HSD17B3: variants seen among roughly 807,000 people sequenced by gnomAD.
The protein encoded by HSD17B3 is hydroxysteroid 17-beta dehydrogenase 3, also known as 17-beta-hydroxysteroid dehydrogenase type 3.
In HSD17B3, 29 loss-of-function variants were observed where a neutral mutation model predicts 41.1. The observed-to-expected ratio is 0.71, with a 90% CI of 0.53 to 0.96. HSD17B3 has a LOEUF of 0.96. Ranked by LOEUF, HSD17B3 falls within the 40% of genes least tolerant of loss-of-function variation. HSD17B3 has a pLI of 0.00. For missense variants in HSD17B3, 323 were observed against 374.6 expected (o/e 0.86, Z 1.14); for synonymous variants, 126 against 145.6 (o/e 0.87, Z 0.97).
In HSD17B3 at chr9:96,300,318, C is replaced by A. The variant is rs1365586203; in HGVS notation, c.154+1633G>T. 3.0e-5 allele frequency among the ~76,000 whole-genome samples: 3 copies of A among 101,254 alleles called. 1 individual carries two copies. The highest frequency in any genetic ancestry group is 9.9e-5 in the African/African-American group (3 of 30,350). 66.4% of individuals were successfully genotyped at this position (101,254 alleles called of 152,430 possible). A position where few individuals can be genotyped will look rare whatever the true frequency, so the allele number is the denominator to read the frequency against. On this transcript the variant is annotated intron_variant, in intron 1 of 10. Transcript: ENST00000375263. ...TTGTCATCCCAAACAATTTCTCACA[C>A]GGTAATTTTTTTAATTTCCATTGCT...
Position 96,268,911 on chromosome 9 carries a change from T to C in HSD17B3, c.202-13968A>G, listed in dbSNP as rs555864630. Among the ~76,000 whole-genome samples, 3 of 152,242 alleles carry C rather than the reference T, an allele frequency of 2.0e-5. No individual in the cohort carries two copies. The South Asian group carries it at 6.2e-4, about 32-fold the overall frequency. ...TTGCAGTGAGCCGAGATCGTGGCAC[T>C]GCACTTCAGCCTGGGCAACAGAGCG... On this transcript the variant is annotated intron_variant, in intron 2 of 10. Coordinates refer to ENST00000375263, the MANE Select transcript of HSD17B3 (RefSeq NM_000197.2).
chr9:96,293,571 C>T (rs796094725), intron 2 of HSD17B3, among the ~76,000 whole-genome samples: 22 of 151,918 alleles, frequency 1.4e-4, no homozygotes, highest in African/African-American at 5.1e-4. Flanking sequence ...CTGTCTCCTT[C>T]CCTCTCCCTT....
chr9:96,277,985 C>T (rs1276019173), intron 2 of HSD17B3, among the ~76,000 whole-genome samples: 1 of 152,094 alleles, frequency 6.6e-6, no homozygotes, highest in African/African-American at 2.4e-5. Context: ...ATAAGTCAGA[C>T]ACAAAGACAA....
chr9:96,301,364 G>C (rs1235727012), intron 1 of HSD17B3, among the ~76,000 whole-genome samples: 2 of 149,126 alleles, frequency 1.3e-5, no homozygotes, highest in Non-Finnish European at 3.0e-5. Context: ...GAATCACAAG[G>C]TCAAGAGTTT....
In HSD17B3 at chr9:96,275,990, G is replaced by A. The variant is rs188169169; in HGVS notation, c.202-21047C>T. On this transcript the variant is annotated intron_variant, in intron 2 of 10. Transcript: ENST00000375263. ...CTTAAAAAACAAGATCCAGTGGTAC[G>A]GTGTCTGCAAGAGATTCACATAAGC... is the stretch of plus-strand genomic sequence containing the variant. Among the ~76,000 whole-genome samples the A allele has an allele frequency of 9.8e-4, 149 of 151,550 alleles. 1 individual carries two copies. Among genetic ancestry groups the A allele is most frequent in the African/African-American group, 3.0e-3 (125 of 41,316 alleles).
At chr9:96,248,367 C>G (rs1025030293) in intron 6 of HSD17B3, among the ~76,000 whole-genome samples, 3 of 152,152 alleles carry the variant, frequency 2.0e-5, no homozygotes, top group Non-Finnish European at 2.9e-5. Context: ...AATTTTTTGT[C>G]TACTCTGCCT....
rs181059816 is a variant in HSD17B3 at position 96,246,548 on chromosome 9, G to T, written c.524+8C>A. ...TGTTGCTCCACACTTTTTTGAAGAA[G>T]GCCTTACCTTGATTCCATATGTTTC... On this transcript the variant is annotated splice_region_variant and intron_variant, in intron 7 of 10. Coordinates refer to ENST00000375263, the MANE Select transcript of HSD17B3 (RefSeq NM_000197.2). 179 of 1,613,932 alleles carry T rather than the reference G, an allele frequency of 1.1e-4. No individual in the cohort carries two copies. The Admixed American group carries it at 1.9e-3, about 17-fold the overall frequency.
At chr9:96,269,535 C>G (rs1186198833) in intron 2 of HSD17B3, among the ~76,000 whole-genome samples, 1 of 151,988 alleles carries the variant, frequency 6.6e-6, no homozygotes. Flanking sequence ...ATAAATGAAC[C>G]ATGTTCCATG....
intron 4 of HSD17B3, 109 bp from the exon 5 acceptor site, chr9:96,251,594 T>C (rs1436741970): frequency 1.0e-6 from 1 of 1,004,584 alleles, no homozygotes; most frequent in Non-Finnish European, 1.5e-6. Flanking sequence ...CGCAGCATGA[T>C]TTGGTAACGG....
intron 2 of HSD17B3, among the ~76,000 whole-genome samples, chr9:96,279,467 T>C (rs909338493): frequency 3.9e-5 from 6 of 152,162 alleles, no homozygotes; most frequent in African/African-American, 1.4e-4. Context: ...CTGGGTAAGA[T>C]AAGAGATTGT....
At chr9:96,255,334 C>CATA (rs1825591033) in intron 2 of HSD17B3, among the ~76,000 whole-genome samples, 3 of 139,142 alleles carry the variant, frequency 2.2e-5, no homozygotes, top group Admixed American at 7.7e-5. Flanking sequence ...GGCAGCATCC[C>CATA]ATAATAAAAG....
At chr9:96,269,655 G>T (rs879861679) in intron 2 of HSD17B3, among the ~76,000 whole-genome samples, 1 of 152,092 alleles carries the variant, frequency 6.6e-6, no homozygotes, top group Non-Finnish European at 1.5e-5. Context: ...TGTAATCCCA[G>T]CACTTTGGGA....
intron 2 of HSD17B3, among the ~76,000 whole-genome samples, chr9:96,281,197 C>A (rs1033613860): frequency 6.6e-6 from 1 of 152,000 alleles, no homozygotes; most frequent in Non-Finnish European, 1.5e-5. Flanking sequence ...GTGTGAAAAC[C>A]CCCTTCCCAA....
chr9:96,249,760 G>A lies in HSD17B3; in HGVS notation c.480C>T (p.Ser160=), dbSNP rs1484095349. The A allele has an allele frequency of 1.2e-6, 2 of 1,613,844 alleles. No individual in the cohort carries two copies. Among genetic ancestry groups the A allele is most frequent in the Non-Finnish European group, 8.5e-7 (1 of 1,179,910 alleles). The change falls in exon 6 of 11, where the codon TCC becomes TCT. Residue 160 remains serine (S), a synonymous_variant. Coordinates refer to ENST00000375263, the MANE Select transcript of HSD17B3 (RefSeq NM_000197.2). ...IQSLIHCNIT[S]VVKMTQLILK... is the part of the protein sequence containing the mutation. ...TATATTGATCACATACCTTGACTACGGAGGTGATGTTACAATGGATGAGGC... is the reference window on the plus strand; with the variant it reads ...TATATTGATCACATACCTTGACTACAGAGGTGATGTTACAATGGATGAGGC...
At chr9:96,280,490 A>C (rs1826648987) in intron 2 of HSD17B3, among the ~76,000 whole-genome samples, 1 of 152,152 alleles carries the variant, frequency 6.6e-6, no homozygotes, top group Admixed American at 6.6e-5. Context: ...ATAACTAAAA[A>C]CTCAATTTAT....
intron 2 of HSD17B3, among the ~76,000 whole-genome samples, chr9:96,277,835 GCA>G (rs3222260): frequency 0.057 from 8,375 of 145,778 alleles, 424 homozygotes; most frequent in East Asian, 0.21. Context: ...GGAAAATGTG[GCA>G]CACACACACA....
At chr9:96,258,102 G>A (rs1825736010) in intron 2 of HSD17B3, among the ~76,000 whole-genome samples, 4 of 152,310 alleles carry the variant, frequency 2.6e-5, no homozygotes, top group Middle Eastern at 3.4e-3. Flanking sequence ...TGTAGAAGTT[G>A]TATATATCCC....
chr9:96,279,573 T>C (rs1826606002), intron 2 of HSD17B3, among the ~76,000 whole-genome samples: 1 of 152,100 alleles, frequency 6.6e-6, no homozygotes, highest in Non-Finnish European at 1.5e-5. Flanking sequence ...CCCAGTTAAT[T>C]CTCTCCTGAA....
chr9:96,273,961 A>C (rs2130766255), intron 2 of HSD17B3, among the ~76,000 whole-genome samples: 1 of 152,294 alleles, frequency 6.6e-6, no homozygotes, highest in East Asian at 1.9e-4. Flanking sequence ...GGAAGAGGTG[A>C]TTTCTTCTTC....
Sources: gnomAD v4.1 joint callset for allele counts (sites outside exome capture counted in the v4.1 genomes callset) on GRCh38, gnomAD v4.1.1 for gene constraint, MANE v1.5 for transcripts, NCBI Gene and HGNC (gene_info 2026-07-23, HGNC 2026-07-21) for gene names.